The following SPMIP2 variants were observed in gnomAD, a reference collection of about 807,000 sequenced individuals.
SPMIP2 encodes the protein sperm microtubule inner protein 2.
chr4:158,923,870 A>C, the SPMIP2 span, among the ~76,000 whole-genome samples: 1 of 152,180 alleles, frequency 6.6e-6, no homozygotes. Flanking sequence ...TCACTTTATC[A>C]ATGTTATAGG....
chr4:158,921,935 T>C, the SPMIP2 span, among the ~76,000 whole-genome samples: 2 of 146,744 alleles, frequency 1.4e-5, no homozygotes, highest in African/African-American at 5.0e-5. Flanking sequence ...TCACCCTGGC[T>C]GGAGTGCAGT....
At chr4:159,067,510 C>T in the SPMIP2 span, among the ~76,000 whole-genome samples, 1 of 152,082 alleles carries the variant, frequency 6.6e-6, no homozygotes, top group African/African-American at 2.4e-5. Flanking sequence ...GGATTACAGG[C>T]GTGAGCCACC....
chr4:159,055,263 A>C, the SPMIP2 span, among the ~76,000 whole-genome samples: 8 of 152,324 alleles, frequency 5.3e-5, no homozygotes, highest in Non-Finnish European at 1.2e-4. Flanking sequence ...GTGCTCTATA[A>C]GTGTTTGAGG....
At chr4:158,966,950 C>T in the SPMIP2 span, among the ~76,000 whole-genome samples, 4 of 152,118 alleles carry the variant, frequency 2.6e-5, no homozygotes, top group African/African-American at 9.7e-5. Context: ...TAATTGGGGG[C>T]GGGGATGCCC....
At chr4:158,984,130 C>A in the SPMIP2 span, among the ~76,000 whole-genome samples, 1 of 118,818 alleles carries the variant, frequency 8.4e-6, no homozygotes, top group South Asian at 3.2e-4. Context: ...TACAGGAGCA[C>A]CCAGATTCAT....
At chr4:158,950,882 G>C in the SPMIP2 span, among the ~76,000 whole-genome samples, 1 of 152,140 alleles carries the variant, frequency 6.6e-6, no homozygotes, top group Admixed American at 6.5e-5. Flanking sequence ...AACAGAGAGA[G>C]ACTCCATCTC....
chr4:158,938,385 A>G, the SPMIP2 span, among the ~76,000 whole-genome samples: 18 of 152,238 alleles, frequency 1.2e-4, no homozygotes, highest in African/African-American at 4.3e-4. Context: ...GCCAAATTAC[A>G]TGCACCATAT....
At chr4:158,961,153 G>T in the SPMIP2 span, among the ~76,000 whole-genome samples, 3 of 152,148 alleles carry the variant, frequency 2.0e-5, no homozygotes, top group Non-Finnish European at 2.9e-5. Flanking sequence ...ACTTACATTA[G>T]TATGGGATGC....
At chr4:159,009,306 C>T in the SPMIP2 span, among the ~76,000 whole-genome samples, 9 of 152,296 alleles carry the variant, frequency 5.9e-5, no homozygotes, top group South Asian at 1.9e-3. Context: ...AATGCAAAAT[C>T]TCAGGGCCCA....
the SPMIP2 span, among the ~76,000 whole-genome samples, chr4:159,038,442 A>G: frequency 3.3e-5 from 5 of 152,204 alleles, no homozygotes; most frequent in Non-Finnish European, 5.9e-5. Flanking sequence ...ATATGCTATG[A>G]ACTATCTAGT....
At chr4:158,972,099 C>T in the SPMIP2 span, among the ~76,000 whole-genome samples, 1 of 152,196 alleles carries the variant, frequency 6.6e-6, no homozygotes, top group Non-Finnish European at 1.5e-5. Flanking sequence ...TGGTGGCTCA[C>T]GCCTATAACC....
chr4:158,970,578 T>A, the SPMIP2 span, among the ~76,000 whole-genome samples: 2 of 151,802 alleles, frequency 1.3e-5, no homozygotes, highest in Admixed American at 6.6e-5. Flanking sequence ...TGATCTGCCT[T>A]AGATGGAAAG....
At chr4:159,059,374 T>A in the SPMIP2 span, among the ~76,000 whole-genome samples, 1 of 152,220 alleles carries the variant, frequency 6.6e-6, no homozygotes, top group African/African-American at 2.4e-5. Flanking sequence ...TTATTTTATT[T>A]AATTTATTCA....
chr4:158,926,949 T>TA, the SPMIP2 span, among the ~76,000 whole-genome samples: 7 of 152,194 alleles, frequency 4.6e-5, no homozygotes, highest in Non-Finnish European at 8.8e-5. Context: ...ACCCCACAAT[T>TA]ACACAGTATA....
chr4:158,972,731 C>T, the SPMIP2 span, among the ~76,000 whole-genome samples: 2 of 152,244 alleles, frequency 1.3e-5, no homozygotes, highest in Non-Finnish European at 2.9e-5. Context: ...ATGCCCAGCA[C>T]AGGCTTCTTT....
chr4:158,912,545 A>G, the SPMIP2 span, among the ~76,000 whole-genome samples: 1 of 152,216 alleles, frequency 6.6e-6, no homozygotes, highest in Non-Finnish European at 1.5e-5. Context: ...CATCTCAAGT[A>G]AGAATAGTAA....
At chr4:159,034,356 A>C in the SPMIP2 span, among the ~76,000 whole-genome samples, 1 of 152,242 alleles carries the variant, frequency 6.6e-6, no homozygotes, top group Non-Finnish European at 1.5e-5. Context: ...AAATATGTCA[A>C]GTTTATAATG....
the SPMIP2 span, among the ~76,000 whole-genome samples, chr4:159,062,960 C>T: frequency 6.6e-6 from 1 of 151,394 alleles, no homozygotes; most frequent in Non-Finnish European, 1.5e-5. Context: ...TCCAAAGAGC[C>T]GGGATTACAG....
the SPMIP2 span, among the ~76,000 whole-genome samples, chr4:158,893,974 A>T: frequency 2.0e-4 from 30 of 152,056 alleles, no homozygotes; most frequent in Middle Eastern, 3.4e-3. Flanking sequence ...AATTCTCCTT[A>T]AAAAAAATCA....
Sources: gnomAD v4.1 joint callset for allele counts (sites outside exome capture counted in the v4.1 genomes callset) on GRCh38, gnomAD v4.1.1 for gene constraint, MANE v1.5 for transcripts, NCBI Gene and HGNC (gene_info 2026-07-23, HGNC 2026-07-21) for gene names.